LRRCC1: variants seen among roughly 807,000 people sequenced by gnomAD.
The protein encoded by LRRCC1 is leucine rich repeat and coiled-coil centrosomal protein 1, also known as leucine-rich repeat and coiled-coil domain-containing protein 1.
A neutral mutation model predicts 126.0 loss-of-function variants in LRRCC1; 115 were observed. The observed-to-expected ratio is 0.91, with a 90% CI of 0.78 to 1.07. The LOEUF (loss-of-function observed/expected upper bound fraction) is 1.07, where lower values mean the gene tolerates loss of function less well. Ranked by LOEUF, LRRCC1 falls within the 50% of genes least tolerant of loss-of-function variation. LRRCC1 has a pLI of 0.00. For missense variants in LRRCC1, 1,172 were observed against 1,175.7 expected, an observed-to-expected ratio of 1.00 and a Z score of 0.05; for synonymous variants, 400 against 393.4, an observed-to-expected ratio of 1.02 and a Z score of -0.20.
At chr8:85,127,612 G>A (rs1810114018) in intron 9 of LRRCC1, among the ~76,000 whole-genome samples, 1 of 152,164 alleles carries the variant, frequency 6.6e-6, no homozygotes, top group Non-Finnish European at 1.5e-5. Context: ...ATAAGTTGAT[G>A]TACACAGTTC....
chr8:85,118,031 G>A (rs1809253673), intron 6 of LRRCC1, among the ~76,000 whole-genome samples: 1 of 152,036 alleles, frequency 6.6e-6, no homozygotes, highest in South Asian at 2.1e-4. Flanking sequence ...CTGACAAGCA[G>A]TCCTCCACTG....
Position 85,126,818 on chromosome 8 carries a change from G to T in LRRCC1, c.1402G>T (p.Ala468Ser). 1.2e-6 allele frequency: 2 copies of T among 1,611,154 alleles called. No homozygotes were observed. Among genetic ancestry groups the T allele is most frequent in the Non-Finnish European group, 1.7e-6 (2 of 1,179,356 alleles). ...ANEKEDIHSL[A>S]LLTTDRLKEI... Reference sequence around the variant, plus strand: ...TGAAAAAGAGGATATTCATAGTCTGGCTCTACTTACCACAGATAGGTAAAA... The same window carrying T: ...TGAAAAAGAGGATATTCATAGTCTGTCTCTACTTACCACAGATAGGTAAAA... Residue 468 changes from alanine (A) to serine (S), a missense_variant, in exon 9 of 19, where the codon GCT becomes TCT. By Grantham distance (99) the Ala-to-Ser change is moderately conservative. Coordinates refer to ENST00000360375, the MANE Select transcript of LRRCC1 (RefSeq NM_033402.5).
intron 6 of LRRCC1, among the ~76,000 whole-genome samples, chr8:85,122,196 C>G (rs1809613115): frequency 6.6e-6 from 1 of 152,122 alleles, no homozygotes. Flanking sequence ...ATTTGTCTCT[C>G]TTTGTTTACA....
chr8:85,109,970 T>A, intron 2 of LRRCC1, 145 bp from the exon 3 acceptor site: 1 of 605,124 alleles, frequency 1.7e-6, no homozygotes, highest in Non-Finnish European at 2.8e-6. Flanking sequence ...ATTCTGTTTT[T>A]TCTAAATGCC....
In LRRCC1 at chr8:85,126,767, A is replaced by C; in HGVS notation, c.1351A>C (p.Ile451Leu). 1 of 1,613,028 alleles carries C rather than the reference A, an allele frequency of 6.2e-7. No individual in the cohort carries two copies. Among genetic ancestry groups the C allele is most frequent in the Non-Finnish European group, 8.5e-7 (1 of 1,179,642 alleles). ...EQAENKLMDY[I>L]DELHKHANEK... ...AGCCGAAAATAAACTCATGGATTAT[A>C]TTGATGAGCTGCATAAACATGCAAA... is the stretch of plus-strand genomic sequence containing the variant. The change falls in exon 9 of 19, where the codon ATT becomes CTT. Residue 451 changes from isoleucine (I) to leucine (L), a missense_variant. Transcript: ENST00000360375.
Position 85,137,599 on chromosome 8 carries a change from A to G in LRRCC1, c.2465A>G (p.Gln822Arg). The G allele has an allele frequency of 2.0e-6, 3 of 1,473,868 alleles. No homozygotes were observed. Among genetic ancestry groups the G allele is most frequent in the South Asian group, 1.6e-5 (1 of 63,756 alleles). The allele number at this position is 1,473,868 out of a possible 1,614,324, so 91.3% of individuals were successfully genotyped here. The change falls in exon 15 of 19, where the codon CAA becomes CGA. Residue 822 changes from glutamine (Q) to arginine (R), a missense_variant. By Grantham distance (43) the Gln-to-Arg change is conservative. Coordinates refer to ENST00000360375, the MANE Select transcript of LRRCC1 (RefSeq NM_033402.5). The stretch of plus-strand genomic sequence containing the variant: ...ATAAAGTGCAAAATCATAGACGACC[A>G]AACTGAAACTATTAGAAAATTAAAA... ...LRIKCKIIDD[Q>R]TETIRKLKDC...
chr8:85,126,354 C>T (rs1315354287), intron 8 of LRRCC1, among the ~76,000 whole-genome samples: 1 of 151,930 alleles, frequency 6.6e-6, no homozygotes, highest in Non-Finnish European at 1.5e-5. Flanking sequence ...GTCAGGAGTT[C>T]GAGACCAGCC....
intron 3 of LRRCC1, among the ~76,000 whole-genome samples, chr8:85,112,339 G>A (rs1398309823): frequency 6.6e-6 from 1 of 152,202 alleles, no homozygotes; most frequent in African/African-American, 2.4e-5. Context: ...CCATTTTGGA[G>A]AAAGTTCTGA....
At chr8:85,133,340 C>CT (rs1265171243) in intron 12 of LRRCC1, among the ~76,000 whole-genome samples, 2 of 152,150 alleles carry the variant, frequency 1.3e-5, no homozygotes, top group Non-Finnish European at 2.9e-5. Flanking sequence ...TTTTCAGTCT[C>CT]TTTGTTTCTC....
At chr8:85,127,298 T>G (rs1271946991) in intron 9 of LRRCC1, among the ~76,000 whole-genome samples, 1 of 151,060 alleles carries the variant, frequency 6.6e-6, no homozygotes, top group African/African-American at 2.4e-5. Flanking sequence ...TTATCTGGGT[T>G]TTTTGTTTTG....
At position 85,126,720 on chromosome 8, in the gene LRRCC1, A is replaced by C; in HGVS notation, c.1304A>C (p.Glu435Ala). 1 of 1,612,848 alleles carries C rather than the reference A, an allele frequency of 6.2e-7. No individual in the cohort carries two copies. Among genetic ancestry groups the C allele is most frequent in the Non-Finnish European group, 8.5e-7 (1 of 1,179,916 alleles). Residue 435 changes from glutamate to alanine, a missense_variant, in exon 9 of 19, where the codon GAG becomes GCG. Glu to Ala is a moderately radical substitution (Grantham distance 107). Transcript: ENST00000360375. Reference sequence around the variant, plus strand: ...GTTGAACAGCTAGACCAAGAGAGAGAGAAGAGATGGAGAGCTGAGCAAGCC... The same window carrying C: ...GTTGAACAGCTAGACCAAGAGAGAGCGAAGAGATGGAGAGCTGAGCAAGCC... ...SLVEQLDQER[E>A]KRWRAEQAEN...
intron 12 of LRRCC1, 64 bp from the exon 13 acceptor site, chr8:85,134,783 C>T (rs1810732117): frequency 9.4e-7 from 1 of 1,063,288 alleles, no homozygotes; most frequent in South Asian, 1.7e-5. Context: ...GATACTATTT[C>T]CAGAAGCAAA....
chr8:85,124,866 T>C lies in LRRCC1; in HGVS notation c.1199T>C (p.Leu400Ser). 5.6e-6 allele frequency: 9 copies of C among 1,606,548 alleles called. No homozygotes were observed. The highest frequency in any genetic ancestry group is 7.7e-6 in the Non-Finnish European group (9 of 1,175,062). ...VSSSLANCPM[L>S]QESEKPKTEI... ...TCATCTTTAGCAAACTGTCCTATGTTACAAGAATCAGAAAAGCCAAAGACT... is the reference window on the plus strand; with the variant it reads ...TCATCTTTAGCAAACTGTCCTATGTCACAAGAATCAGAAAAGCCAAAGACT... The change falls in exon 8 of 19, where the codon TTA (leucine) becomes TCA (serine). Residue 400 changes from leucine (L) to serine (S), a missense_variant. Physicochemically the swap from Leu to Ser is moderately radical, Grantham distance 145. Coordinates refer to ENST00000360375, the MANE Select transcript of LRRCC1 (RefSeq NM_033402.5).
At chr8:85,107,440 C>T (rs1391023691) in intron 1 of LRRCC1, 41 bp downstream of exon 1, 2 of 1,528,912 alleles carry the variant, frequency 1.3e-6, no homozygotes, top group Non-Finnish European at 8.9e-7. Context: ...CGCGCACTCC[C>T]CAGAGCCGGG....
intron 1 of LRRCC1, among the ~76,000 whole-genome samples, chr8:85,108,311 T>C (rs1808425152): frequency 6.6e-6 from 1 of 152,270 alleles, no homozygotes; most frequent in South Asian, 2.1e-4. Context: ...AGCTGCCATT[T>C]ACTGAATGCT....
chr8:85,107,879 A>G (rs1041522429), intron 1 of LRRCC1, among the ~76,000 whole-genome samples: 1 of 152,240 alleles, frequency 6.6e-6, no homozygotes, highest in Non-Finnish European at 1.5e-5. Flanking sequence ...CCTTGTCTGC[A>G]TTCGAAATCA....
In LRRCC1 at chr8:85,141,493, G is replaced by A. The variant is rs1308400061; in HGVS notation, c.2952G>A (p.Lys984=). Residue 984 remains lysine (K), a synonymous_variant, in exon 18 of 19, where the codon AAG becomes AAA. Transcript: ENST00000360375. ...EIAQLANEKQ[K]CIDSANLKVH... ...CACAGCTGGCCAATGAAAAGCAGAAGTGTATTGATTCTGCAAATTTAAAGG... is the reference window on the plus strand; with the variant it reads ...CACAGCTGGCCAATGAAAAGCAGAAATGTATTGATTCTGCAAATTTAAAGG... The A allele has an allele frequency of 1.2e-6, 2 of 1,611,014 alleles. No homozygotes were observed. Among genetic ancestry groups the A allele is most frequent in the Non-Finnish European group, 1.7e-6 (2 of 1,178,210 alleles).
chr8:85,110,293 A>G, intron 3 of LRRCC1, 113 bp downstream of exon 3: 2 of 481,886 alleles, frequency 4.2e-6, no homozygotes, highest in South Asian at 5.0e-5. Flanking sequence ...ATTTTTAGCC[A>G]AAGAGCTCAT....
chr8:85,116,132 A>C (rs1809103904), intron 6 of LRRCC1, among the ~76,000 whole-genome samples: 1 of 152,162 alleles, frequency 6.6e-6, no homozygotes, highest in Non-Finnish European at 1.5e-5. Flanking sequence ...TCTGTGAACT[A>C]TGTGTATGAA....
Sources: allele counts gnomAD v4.1 joint callset (sites outside exome capture counted in the v4.1 genomes callset), GRCh38; gene constraint gnomAD v4.1.1; transcripts MANE v1.5; gene names NCBI Gene and HGNC (gene_info 2026-07-23, HGNC 2026-07-21).